The following CYBRD1 variants were observed in gnomAD, a reference collection of about 807,000 sequenced individuals.
CYBRD1 encodes plasma membrane ascorbate-dependent reductase CYBRD1.
Under a neutral mutation model 21.9 loss-of-function variants are expected in CYBRD1, and 14 were observed. The ratio of observed to expected loss-of-function variants is 0.64; its 90% CI spans 0.42 to 1.00. The LOEUF (loss-of-function observed/expected upper bound fraction) is 1.00, where lower values mean the gene tolerates loss of function less well. Ranked by LOEUF, CYBRD1 falls within the 50% of genes least tolerant of loss-of-function variation. The pLI is 0.00. For synonymous variants in CYBRD1, 146 were observed against 136.5 expected (o/e 1.07, Z -0.48); for missense variants, 328 against 352.5 (o/e 0.93, Z 0.56).
intron 1 of CYBRD1, among the ~76,000 whole-genome samples, chr2:171,537,870 GAA>G (rs1252462235): frequency 6.6e-6 from 1 of 152,166 alleles, no homozygotes; most frequent in Non-Finnish European, 1.5e-5. Flanking sequence ...TCAACAAAAA[GAA>G]AAGAGTTTGA....
Position 171,541,754 on chromosome 2 carries a change from C to T in CYBRD1, c.363C>T (p.Ser121=), listed in dbSNP as rs768528059. The T allele has an allele frequency of 5.0e-6, 8 of 1,613,346 alleles. No homozygotes were observed. In the Admixed American group the frequency reaches 1.3e-4, roughly 27 times the overall value. ...TAGCCAATATGTACAGTCTGCACAG[C>T]TGGGTTGGACTGATAGCTGTCATAT... ...NNIANMYSLH[S]WVGLIAVICY... Residue 121 remains serine, a synonymous_variant, in exon 2 of 4, where the codon AGC becomes AGT. Transcript: ENST00000321348.
chr2:171,556,448 T>G lies in CYBRD1; in HGVS notation c.*1621T>G, dbSNP rs557706294. 1 of 152,318 alleles carries G rather than the reference T, an allele frequency of 6.6e-6. No homozygotes were observed. The highest frequency in any genetic ancestry group is 1.9e-4 in the East Asian group (1 of 5,182). The allele number at this position is 152,318 out of a possible 1,614,324, so 9.4% of individuals were successfully genotyped here. On this transcript the variant is annotated 3_prime_UTR_variant, in exon 4 of 4. Transcript: ENST00000321348. ...AGTAGTGCTTATGCTGAAATGATAC[T>G]TTTCATTTTTTGGTTGATTTTTTTG...
In CYBRD1 at chr2:171,522,898, G is replaced by A. The variant is rs537360619; in HGVS notation, c.193+160G>A. 1.0e-3 allele frequency among the ~76,000 whole-genome samples: 155 copies of A among 152,234 alleles called. No homozygotes were observed. The highest frequency in any genetic ancestry group is 1.8e-3 in the Non-Finnish European group (125 of 68,006). ...CGCGGGAAGCCAAGTCGGCTGGGCGGGAGGGAGGCTGGCTGGCTCTGGGGC... is the reference window on the plus strand; with the variant it reads ...CGCGGGAAGCCAAGTCGGCTGGGCGAGAGGGAGGCTGGCTGGCTCTGGGGC... On this transcript the variant is annotated intron_variant, in intron 1 of 3. Transcript: ENST00000321348. This position sits in a 1 kb window ranked among gnomAD's most constrained non-coding sequence, Gnocchi z 4.3.
In CYBRD1 at chr2:171,556,674, CT is replaced by C. The variant is rs2105350272; in HGVS notation, c.*1849del. The C allele has an allele frequency of 6.6e-6, 1 of 152,320 alleles. No homozygotes were observed. Among genetic ancestry groups the C allele is most frequent in the East Asian group, 1.9e-4 (1 of 5,188 alleles). 9.4% of individuals were successfully genotyped at this position (152,320 alleles called of 1,614,324 possible). Reference sequence around the variant, plus strand: ...GATCCCCTTGCTGCAACACTGTTCTCTTCTTCTCTACTAAATTCTATTTCCA... The same window carrying C: ...GATCCCCTTGCTGCAACACTGTTCTCTCTTCTCTACTAAATTCTATTTCCA... On this transcript the variant is annotated 3_prime_UTR_variant, in exon 4 of 4. Transcript: ENST00000321348.
At chr2:171,526,425 C>T (rs1392528635) in intron 1 of CYBRD1, among the ~76,000 whole-genome samples, 4 of 151,224 alleles carry the variant, frequency 2.6e-5, no homozygotes, top group Non-Finnish European at 5.9e-5. Context: ...CTTTCCCCCT[C>T]TCTCTCCCCT....
intron 2 of CYBRD1, among the ~76,000 whole-genome samples, chr2:171,548,109 TTA>T (rs66542200): frequency 0.22 from 33,649 of 151,992 alleles, 4,118 homozygotes; most frequent in African/African-American, 0.32. Flanking sequence ...CTGGTTAGAT[TTA>T]TTTATTTATT....
At chr2:171,545,774 G>A (rs1279676451) in intron 2 of CYBRD1, among the ~76,000 whole-genome samples, 3 of 151,690 alleles carry the variant, frequency 2.0e-5, no homozygotes, top group African/African-American at 4.8e-5. Context: ...GTATACAATG[G>A]GTAATGAACA....
In CYBRD1 at chr2:171,553,487, C is replaced by A; in HGVS notation, c.544C>A (p.Leu182Met). The change falls in exon 3 of 4, where the codon CTG (leucine) becomes ATG (methionine). Residue 182 changes from leucine to methionine, a missense_variant. By Grantham distance (15) the Leu-to-Met change is conservative. Transcript: ENST00000321348. The stretch of plus-strand genomic sequence containing the variant: ...AGCACTTATGGGATTGACAGAGAAA[C>A]TGATTTTTTCCCTGTAAGTTGCATA... ...ATALMGLTEK[L>M]IFSLRDPAYS... 1 of 1,611,436 alleles carries A rather than the reference C, an allele frequency of 6.2e-7. No homozygotes were observed. Among genetic ancestry groups the A allele is most frequent in the Middle Eastern group, 1.7e-4 (1 of 6,050 alleles).
intron 2 of CYBRD1, among the ~76,000 whole-genome samples, chr2:171,553,025 A>G (rs1367127066): frequency 2.0e-5 from 3 of 152,232 alleles, no homozygotes; most frequent in Non-Finnish European, 4.4e-5. Context: ...AAATTGTTAT[A>G]GCCTTAGGAT....
intron 2 of CYBRD1, among the ~76,000 whole-genome samples, chr2:171,546,881 G>A (rs1323156211): frequency 1.3e-5 from 2 of 152,154 alleles, no homozygotes. Context: ...AGACCAGGCT[G>A]TCCAGAGCAG....
intron 2 of CYBRD1, among the ~76,000 whole-genome samples, chr2:171,552,965 T>G (rs1683403921): frequency 6.6e-6 from 1 of 152,158 alleles, no homozygotes; most frequent in South Asian, 2.1e-4. Flanking sequence ...TATAGTCGGA[T>G]TAAGGATAGC....
chr2:171,545,470 C>G (rs1434830322), intron 2 of CYBRD1, among the ~76,000 whole-genome samples: 1 of 150,124 alleles, frequency 6.7e-6, no homozygotes, highest in African/African-American at 2.5e-5. Flanking sequence ...CACCTGCCTC[C>G]TAGGCTCAAG....
chr2:171,526,673 A>G (rs768805235), intron 1 of CYBRD1, among the ~76,000 whole-genome samples: 124 of 152,226 alleles, frequency 8.1e-4, no homozygotes, highest in Admixed American at 3.5e-3. Context: ...AATCAGAGAA[A>G]CGAACCTTGA....
Position 171,554,845 on chromosome 2 carries a change from G to T in CYBRD1, c.*18G>T. On this transcript the variant is annotated 3_prime_UTR_variant, in exon 4 of 4. Coordinates refer to ENST00000321348, the MANE Select transcript of CYBRD1 (RefSeq NM_024843.4). Reference sequence around the variant, plus strand: ...CCATGTAAAATGTTGTAGAGATAGAGCCATATAACGTCACGTTTCAAAACT... The same window carrying T: ...CCATGTAAAATGTTGTAGAGATAGATCCATATAACGTCACGTTTCAAAACT... 6.2e-7 allele frequency: 1 copy of T among 1,611,718 alleles called. No homozygotes were observed. The highest frequency in any genetic ancestry group is 2.2e-5 in the East Asian group (1 of 44,810).
In CYBRD1 at chr2:171,554,821, C is replaced by G. The variant is rs774579184; in HGVS notation, c.855C>G (p.Thr285=). Residue 285 remains threonine (T), a synonymous_variant, in exon 4 of 4, where the codon ACC becomes ACG. Transcript: ENST00000321348. ...LALDEAGQRS[T]M is the part of the protein sequence containing the mutation. ...TGGATGAGGCTGGGCAGAGATCTAC[C>G]ATGTAAAATGTTGTAGAGATAGAGC... is the stretch of plus-strand genomic sequence containing the variant. 1.9e-6 allele frequency: 3 copies of G among 1,612,800 alleles called. No homozygotes were observed. The Admixed American group carries it at 5.0e-5, about 27-fold the overall frequency.
intron 2 of CYBRD1, chr2:171,551,130 G>C (rs1433674980): frequency 6.3e-6 from 1 of 159,372 alleles, no homozygotes; most frequent in Non-Finnish European, 1.4e-5. Context: ...CTAATTTTTT[G>C]TAGAGATGGG....
intron 2 of CYBRD1, among the ~76,000 whole-genome samples, chr2:171,544,038 CAGA>C (rs1697675341): frequency 6.6e-6 from 1 of 152,176 alleles, no homozygotes; most frequent in Non-Finnish European, 1.5e-5. Context: ...ATATTCCTGC[CAGA>C]AGTTTATGAG....
upstream of CYBRD1, chr2:171,522,302 C>T: frequency 6.5e-7 from 1 of 1,542,112 alleles, no homozygotes; most frequent in Non-Finnish European, 8.7e-7. This position sits in a 1 kb window ranked among gnomAD's most constrained non-coding sequence, Gnocchi z 4.3. Context: ...GTGAGGCCAC[C>T]AGGCAATGAG....
At chr2:171,534,400 G>A (rs192472252) in intron 1 of CYBRD1, among the ~76,000 whole-genome samples, 38 of 152,218 alleles carry the variant, frequency 2.5e-4, no homozygotes, top group Admixed American at 1.8e-3. Flanking sequence ...TTTAAATTCC[G>A]CTCTCCAGGC....
Sources: gnomAD v4.1 joint callset for allele counts (sites outside exome capture counted in the v4.1 genomes callset) on GRCh38, gnomAD v4.1.1 for gene constraint, Gnocchi (gnomAD v3.1) non-coding constraint, MANE v1.5 for transcripts, NCBI Gene and HGNC (gene_info 2026-07-23, HGNC 2026-07-21) for gene names.